The following ENOX1 variants were observed in gnomAD, a reference collection of about 807,000 sequenced individuals.
ENOX1 encodes the protein ecto-NOX disulfide-thiol exchanger 1.
A neutral mutation model predicts 82.5 loss-of-function variants in ENOX1; 42 were observed. That is an observed-to-expected ratio of 0.51 (90% CI 0.40 to 0.66). The LOEUF is 0.66. Among genes scored for constraint, ENOX1 ranks in the 30% least tolerant of loss-of-function variants. The probability of loss-of-function intolerance (pLI) is 0.00; values close to 1 mark genes in which losing one functional copy is unlikely to be tolerated. For missense variants in ENOX1, 608 were observed against 811.6 expected (o/e 0.75, Z 3.05); for synonymous variants, 271 against 282.2 (o/e 0.96, Z 0.40).
chr13:43,343,982 G>C (rs550209624), intron 9 of ENOX1, among the ~76,000 whole-genome samples: 1 of 152,028 alleles, frequency 6.6e-6, no homozygotes, highest in East Asian at 1.9e-4. Context: ...AAAAATCACT[G>C]GCATTGAGTA....
At chr13:43,668,056 TTTG>T (rs1419046569) in intron 1 of ENOX1, among the ~76,000 whole-genome samples, 1 of 152,122 alleles carries the variant, frequency 6.6e-6, no homozygotes, top group Non-Finnish European at 1.5e-5. Context: ...TCTCAGGAAA[TTTG>T]TTGTTCTGCA....
intron 14 of ENOX1, among the ~76,000 whole-genome samples, chr13:43,259,928 G>GC (rs1183956974): frequency 3.9e-5 from 6 of 152,250 alleles, no homozygotes; most frequent in Admixed American, 3.3e-4. Context: ...AGCCTGAGTT[G>GC]TTTTTTACCT....
intron 3 of ENOX1, among the ~76,000 whole-genome samples, chr13:43,451,360 A>G (rs1238723743): frequency 6.6e-6 from 1 of 152,206 alleles, no homozygotes; most frequent in Non-Finnish European, 1.5e-5. Flanking sequence ...TATCTGGCCT[A>G]AAAATCCATT....
intron 13 of ENOX1, among the ~76,000 whole-genome samples, chr13:43,267,818 A>G (rs895146189): frequency 1.3e-5 from 2 of 152,242 alleles, no homozygotes; most frequent in African/African-American, 4.8e-5. Context: ...TCAGGCTTAA[A>G]GATTCTTGGT....
At chr13:43,422,739 GAGA>G (rs2153607847) in intron 3 of ENOX1, among the ~76,000 whole-genome samples, 1 of 152,298 alleles carries the variant, frequency 6.6e-6, no homozygotes, top group African/African-American at 2.4e-5. Context: ...CAGGACAGCA[GAGA>G]AGAACAATTT....
chr13:43,284,152 G>A (rs969806735), intron 12 of ENOX1, among the ~76,000 whole-genome samples: 2 of 152,024 alleles, frequency 1.3e-5, no homozygotes, highest in Non-Finnish European at 2.9e-5. Context: ...CCTACATATT[G>A]AGCTTATAGT....
chr13:43,410,975 C>T (rs961802315), intron 5 of ENOX1, among the ~76,000 whole-genome samples: 3 of 152,158 alleles, frequency 2.0e-5, no homozygotes, highest in Non-Finnish European at 4.4e-5. Context: ...CACCAGACAG[C>T]GGCTCAATGA....
rs879875589 is a variant in ENOX1, at chr13:43,691,396, G to GA, written c.-284-23853dup. On this transcript the variant is annotated intron_variant, in intron 1 of 16. Transcript: ENST00000690772. ...CCATCCTACTCGTCTTCCATGAAAA[G>GA]AAAAAAAAAAACTATCTAAAACACC... is the stretch of plus-strand genomic sequence containing the variant. Among the ~76,000 whole-genome samples, 109 of 142,242 alleles carry GA rather than the reference G, an allele frequency of 7.7e-4. 1 individual carries two copies. The highest frequency in any genetic ancestry group is 2.2e-3 in the East Asian group (11 of 4,918). The allele number at this position is 142,242 out of a possible 152,430, so 93.3% of individuals were successfully genotyped here. A position where few individuals can be genotyped will look rare whatever the true frequency, so the allele number is the denominator to read the frequency against.
At chr13:43,595,434 T>C (rs180786409) in intron 2 of ENOX1, among the ~76,000 whole-genome samples, 13 of 152,300 alleles carry the variant, frequency 8.5e-5, no homozygotes, top group Non-Finnish European at 1.3e-4. Flanking sequence ...TATTATACTT[T>C]AAGTTCTAGG....
At position 43,476,227 on chromosome 13, in the gene ENOX1, C is replaced by T. The variant is rs558341258; in HGVS notation, c.-75+7782G>A. Among the ~76,000 whole-genome samples, 29 of 152,134 alleles carry T rather than the reference C, an allele frequency of 1.9e-4. 1 individual carries two copies. The East Asian group carries it at 2.1e-3, about 11-fold the overall frequency. On this transcript the variant is annotated intron_variant, in intron 3 of 16. Transcript: ENST00000690772. The stretch of plus-strand genomic sequence containing the variant: ...TTTATTGAGCACATGCTAGGTATAA[C>T]GCTCCATAAAACAAGCCTAAAATCT...
intron 1 of ENOX1, among the ~76,000 whole-genome samples, chr13:43,767,684 C>G (rs1242555380): frequency 6.6e-6 from 1 of 152,198 alleles, no homozygotes; most frequent in African/African-American, 2.4e-5. Flanking sequence ...CAGCTTCCAC[C>G]AAAGCACTTA....
In ENOX1 at chr13:43,786,321, CGCGCGGCGG is replaced by C. The variant is rs1172872255; in HGVS notation, c.-285+322_-285+330del. Among the ~76,000 whole-genome samples, 2 of 152,006 alleles carry C rather than the reference CGCGCGGCGG, an allele frequency of 1.3e-5. No individual in the cohort carries two copies. Among genetic ancestry groups the C allele is most frequent in the African/African-American group, 4.8e-5 (2 of 41,414 alleles). On this transcript the variant is annotated intron_variant, in intron 1 of 16. Coordinates refer to ENST00000690772, the MANE Select transcript of ENOX1 (RefSeq NM_001347969.2). This position sits in a 1 kb window ranked among gnomAD's most constrained non-coding sequence, Gnocchi z 6.0. ...TCCAAGGTGCAGGGGAGGTGACTGG[CGCGCGGCGG>C]GCGCGGAGCCCGGAGCTGACACTGG...
At chr13:43,418,144 G>A (rs1233609219) in intron 3 of ENOX1, among the ~76,000 whole-genome samples, 1 of 151,502 alleles carries the variant, frequency 6.6e-6, no homozygotes, top group Admixed American at 6.6e-5. Flanking sequence ...GGGAGGCAGA[G>A]GTTGTAGAGC....
chr13:43,504,837 T>C (rs2077097548), intron 2 of ENOX1, among the ~76,000 whole-genome samples: 1 of 151,662 alleles, frequency 6.6e-6, no homozygotes, highest in Non-Finnish European at 1.5e-5. Flanking sequence ...CAAAATAATA[T>C]GAAACTTTTG....
intron 2 of ENOX1, among the ~76,000 whole-genome samples, chr13:43,529,410 T>G (rs1951420184): frequency 6.6e-6 from 1 of 152,098 alleles, no homozygotes; most frequent in African/African-American, 2.4e-5. Flanking sequence ...AAAGAGAAAC[T>G]AGACAGTGCT....
At chr13:43,382,894 C>A (rs2052155525) in intron 5 of ENOX1, among the ~76,000 whole-genome samples, 4 of 152,154 alleles carry the variant, frequency 2.6e-5, no homozygotes, top group Admixed American at 2.0e-4. Flanking sequence ...TTGGTTTCAA[C>A]TAGGGAATGC....
At chr13:43,542,090 C>CT (rs2078755939) in intron 2 of ENOX1, among the ~76,000 whole-genome samples, 1 of 152,176 alleles carries the variant, frequency 6.6e-6, no homozygotes, top group South Asian at 2.1e-4. Flanking sequence ...CAAAAACAAA[C>CT]AGTAGAGATG....
intron 10 of ENOX1, among the ~76,000 whole-genome samples, chr13:43,322,878 A>C (rs1271445755): frequency 7.9e-5 from 12 of 152,228 alleles, no homozygotes. Context: ...GGTTAAGAAC[A>C]TGAACAGTGG....
intron 2 of ENOX1, among the ~76,000 whole-genome samples, chr13:43,627,745 T>C (rs1291029810): frequency 6.6e-6 from 1 of 152,098 alleles, no homozygotes; most frequent in Non-Finnish European, 1.5e-5. Context: ...TCCCTTCTTT[T>C]ATTGTTTCTT....
Sources: allele counts gnomAD v4.1 joint callset (sites outside exome capture counted in the v4.1 genomes callset), GRCh38; gene constraint gnomAD v4.1.1; non-coding constraint Gnocchi (gnomAD v3.1); transcripts MANE v1.5; gene names NCBI Gene and HGNC (gene_info 2026-07-23, HGNC 2026-07-21).